The following CSDE1 variants were observed in gnomAD, a reference collection of about 807,000 sequenced individuals.
CSDE1 encodes the protein cold shock domain containing E1, also known as cold shock domain-containing protein E1.
Under a neutral mutation model 89.3 loss-of-function variants are expected in CSDE1, and 17 were observed. That is an observed-to-expected ratio of 0.19 (90% CI 0.13 to 0.29). The LOEUF (loss-of-function observed/expected upper bound fraction) is 0.29, where lower values mean the gene tolerates loss of function less well. CSDE1 is among the 10% of genes least tolerant of loss of function. The pLI is 1.00. For synonymous variants in CSDE1, 322 were observed against 332.8 expected, an observed-to-expected ratio of 0.97 and a Z score of 0.35; for missense variants, 672 against 984.2, an observed-to-expected ratio of 0.68 and a Z score of 4.24.
intron 9 of CSDE1, 58 bp downstream of exon 9, chr1:114,733,674 C>T (rs1660234545): frequency 1.4e-6 from 2 of 1,478,840 alleles, no homozygotes; most frequent in South Asian, 2.5e-5. Flanking sequence ...GTATACCACA[C>T]CATATTATTC....
chr1:114,736,654 C>T, intron 6 of CSDE1, 104 bp downstream of exon 6: 1 of 662,976 alleles, frequency 1.5e-6, no homozygotes, highest in Admixed American at 2.9e-5. Context: ...TTCATGAAAA[C>T]TATCCAGACT....
chr1:114,735,522 C>T (rs889070388), intron 6 of CSDE1, among the ~76,000 whole-genome samples: 1 of 152,168 alleles, frequency 6.6e-6, no homozygotes, highest in Admixed American at 6.5e-5. Flanking sequence ...AAGAAACTTA[C>T]CAGGTAAGGC....
chr1:114,744,595 A>C (rs1660914752), intron 2 of CSDE1, among the ~76,000 whole-genome samples: 1 of 151,920 alleles, frequency 6.6e-6, no homozygotes, highest in African/African-American at 2.4e-5. Context: ...AAAACAACAA[A>C]AACAAACAAA....
chr1:114,737,632 G>T, intron 4 of CSDE1, 69 bp from the exon 5 acceptor site: 1 of 1,160,238 alleles, frequency 8.6e-7, no homozygotes, highest in Non-Finnish European at 1.3e-6. Context: ...AATATAAACT[G>T]AATTTTAATA....
chr1:114,732,547 G>A (rs1570916981), intron 10 of CSDE1, 57 bp downstream of exon 10: 13 of 1,533,038 alleles, frequency 8.5e-6, no homozygotes, highest in Non-Finnish European at 1.2e-5. Flanking sequence ...GTATAAACTT[G>A]AATATAACAT....
chr1:114,752,918 C>T (rs2101092753), intron 1 of CSDE1, among the ~76,000 whole-genome samples: 1 of 152,296 alleles, frequency 6.6e-6, no homozygotes, highest in South Asian at 2.1e-4. Flanking sequence ...TCACAGCCTC[C>T]TTTCGCACCT....
intron 9 of CSDE1, among the ~76,000 whole-genome samples, 172 bp from the exon 10 acceptor site, chr1:114,732,988 C>T (rs367636042): frequency 3.3e-5 from 5 of 152,286 alleles, no homozygotes; most frequent in Admixed American, 2.0e-4. Context: ...TATGGTCACA[C>T]GAGTCAACCA....
At chr1:114,722,598 G>T (rs1659588711) in intron 16 of CSDE1, among the ~76,000 whole-genome samples, 1 of 152,144 alleles carries the variant, frequency 6.6e-6, no homozygotes, top group African/African-American at 2.4e-5. Context: ...TATCCCACCA[G>T]GCTTAGAGAT....
rs150190370 is a variant in CSDE1 at position 114,727,064 on chromosome 1, A to G, written c.1383T>C (p.Tyr461=). 753 of 1,613,514 alleles carry G rather than the reference A, an allele frequency of 4.7e-4. 12 individuals are homozygous for G. In the East Asian group the frequency reaches 0.017, roughly 36 times the overall value. Residue 461 remains tyrosine (Y), a synonymous_variant, in exon 13 of 20, where the codon TAT becomes TAC. Transcript: ENST00000358528. ...EKEAEDGIIA[Y]DDCGVKLTIA... ...TAGTCAGTTTCACCCCACAGTCATC[A>G]TAAGCAATAATGCCATCCTCAGCCT...
rs751080184 is a variant in CSDE1, at chr1:114,739,807, C to T, written c.84G>A (p.Gly28=). The T allele has an allele frequency of 1.9e-6, 3 of 1,613,936 alleles. No individual in the cohort carries two copies. Among genetic ancestry groups the T allele is most frequent in the East Asian group, 2.2e-5 (1 of 44,852 alleles). ...NGTSAALRET[G]VIEKLLTSYG... is the part of the protein sequence containing the mutation. ...AAGAGGTTAACAGTTTTTCAATAAC[C>T]CCAGTTTCACGCAGTGCTGCTGAAG... The change falls in exon 3 of 20, where the codon GGG becomes GGA. Residue 28 remains glycine, a synonymous_variant. Transcript: ENST00000358528.
intron 16 of CSDE1, among the ~76,000 whole-genome samples, chr1:114,723,011 A>C (rs1484299376): frequency 6.6e-6 from 1 of 151,910 alleles, no homozygotes; most frequent in Non-Finnish European, 1.5e-5. Context: ...TTTCTTTTTA[A>C]AATTTTTTTA....
intron 18 of CSDE1, 45 bp from the exon 19 acceptor site, chr1:114,718,790 A>T (rs763526040): frequency 1.2e-6 from 2 of 1,603,874 alleles, no homozygotes; most frequent in South Asian, 2.2e-5. Context: ...CTTGGTGGGC[A>T]GACAGCAAGC....
intron 6 of CSDE1, among the ~76,000 whole-genome samples, chr1:114,735,118 C>T (rs1381539722): frequency 6.6e-6 from 1 of 152,172 alleles, no homozygotes; most frequent in Non-Finnish European, 1.5e-5. Flanking sequence ...ATGATATCCA[C>T]CTCCATTGGA....
At position 114,718,763 on chromosome 1, in the gene CSDE1, G is replaced by T; in HGVS notation, c.2217-18C>A. 6.2e-7 allele frequency: 1 copy of T among 1,612,218 alleles called. No homozygotes were observed. The highest frequency in any genetic ancestry group is 8.5e-7 in the Non-Finnish European group (1 of 1,179,200). ...GGCCCTCACTGTAATTAAGTCAAAA[G>T]ATGAGAAGAAACCACACTTGGTGGG... On this transcript the variant is annotated intron_variant, in intron 18 of 19. Transcript: ENST00000358528.
Position 114,734,537 on chromosome 1 carries a change from A to G in CSDE1, c.501-14T>C. Reference sequence around the variant, plus strand: ...ACAGCACCAGTACTAGAAAAAAAATAATTGCAGGGAGGAGGAATGAAACAG... The same window carrying G: ...ACAGCACCAGTACTAGAAAAAAAATGATTGCAGGGAGGAGGAATGAAACAG... On this transcript the variant is annotated splice_polypyrimidine_tract_variant and intron_variant, in intron 6 of 19. Coordinates refer to ENST00000358528, the MANE Select transcript of CSDE1 (RefSeq NM_001007553.3). 6.2e-7 allele frequency: 1 copy of G among 1,601,156 alleles called. No individual in the cohort carries two copies. The highest frequency in any genetic ancestry group is 1.7e-4 in the Middle Eastern group (1 of 6,044).
At chr1:114,738,831 C>T (rs1334083087) in intron 3 of CSDE1, among the ~76,000 whole-genome samples, 1 of 151,800 alleles carries the variant, frequency 6.6e-6, no homozygotes, top group Non-Finnish European at 1.5e-5. Context: ...TCACGTTCCT[C>T]AGCTAATTTT....
At chr1:114,734,367 A>C (rs1196885692) in intron 7 of CSDE1, 75 bp downstream of exon 7, 3 of 1,357,728 alleles carry the variant, frequency 2.2e-6, no homozygotes, top group Non-Finnish European at 3.1e-6. Context: ...GAAAAAAAAA[A>C]ACAAAGGCTG....
At chr1:114,754,198 G>T (rs1661466305) in intron 1 of CSDE1, among the ~76,000 whole-genome samples, 1 of 152,144 alleles carries the variant, frequency 6.6e-6, no homozygotes, top group South Asian at 2.1e-4. Context: ...TCACCATGTT[G>T]GTCAGGCTGG....
chr1:114,730,338 G>A lies in CSDE1; in HGVS notation c.1276C>T (p.His426Tyr), dbSNP rs1396056302. ...GTVSFHSHSD[H>Y]RFLGTVEKEA... The stretch of plus-strand genomic sequence containing the variant: ...TTTTCTACCGTGCCCAGAAAACGGT[G>A]ATCTGAATGGGAATGAAATGAAACC... Residue 426 changes from histidine (H) to tyrosine (Y), a missense_variant, in exon 12 of 20, where the codon CAC (histidine) becomes TAC (tyrosine). Physicochemically the swap from His to Tyr is moderately conservative, Grantham distance 83 (BLOSUM62 2). Around this residue, in one of 8 missense-constraint regions of CSDE1, gnomAD observed 169 missense variants for 262.9 expected, o/e 0.64. Transcript: ENST00000358528. 1.2e-6 allele frequency: 2 copies of A among 1,614,128 alleles called. No homozygotes were observed. The highest frequency in any genetic ancestry group is 1.7e-6 in the Non-Finnish European group (2 of 1,180,006).
Sources: gnomAD v4.1 joint callset for allele counts (sites outside exome capture counted in the v4.1 genomes callset) on GRCh38, gnomAD v4.1.1 for gene constraint, gnomAD v4.1.1 regional missense constraint, MANE v1.5 for transcripts, NCBI Gene and HGNC (gene_info 2026-07-23, HGNC 2026-07-21) for gene names.